HLA-DQA1: variants seen among roughly 807,000 people sequenced by gnomAD.
HLA-DQA1 encodes the protein major histocompatibility complex, class II, DQ alpha 1.
Under a neutral mutation model 20.7 loss-of-function variants are expected in HLA-DQA1, and 10 were observed. The ratio of observed to expected loss-of-function variants is 0.48; its 90% CI spans 0.30 to 0.82. The LOEUF (loss-of-function observed/expected upper bound fraction) is 0.82. HLA-DQA1 is among the 40% of genes least tolerant of loss of function. HLA-DQA1 has a pLI of 0.07. For missense variants in HLA-DQA1, 127 were observed against 293.0 expected, an observed-to-expected ratio of 0.43 and a Z score of 4.14; for synonymous variants, 39 against 109.2, an observed-to-expected ratio of 0.36 and a Z score of 4.01.
chr6:32,652,599 C>T, the HLA-DQA1 span, among the ~76,000 whole-genome samples: 3 of 150,828 alleles, frequency 2.0e-5, no homozygotes, highest in African/African-American at 4.9e-5. Flanking sequence ...AATTAAGCTA[C>T]GAGCAAAGCC....
intron 1 of HLA-DQA1, among the ~76,000 whole-genome samples, chr6:32,638,667 G>A (rs4530904): frequency 0.73 from 62,804 of 85,914 alleles, 27,488 homozygotes; most frequent in South Asian, 0.88. Context: ...ACAGAGAGAG[G>A]CGCTGTCTCA....
downstream of HLA-DQA1, among the ~76,000 whole-genome samples, chr6:32,651,970 C>A (rs1417915934): frequency 1.2e-4 from 12 of 96,356 alleles, 4 homozygotes; most frequent in African/African-American, 4.3e-4. Flanking sequence ...CCTTGAAGTT[C>A]TAATGGAAAA....
Position 32,641,582 on chromosome 6 carries a change from T to C in HLA-DQA1, c.331+24T>C. The C allele has an allele frequency of 2.0e-6, 2 of 977,260 alleles. 1 individual carries two copies. 60.5% of individuals were successfully genotyped at this position (977,260 alleles called of 1,614,324 possible). A position where few individuals can be genotyped will look rare whatever the true frequency, so the allele number is the denominator to read the frequency against. The stretch of plus-strand genomic sequence containing the variant: ...TGGTATGCGTCCACCATTCTGCCTC[T>C]CTTTACTTAAGTTATCCCTCCATAC... On this transcript the variant is annotated intron_variant, in intron 2 of 4. Coordinates refer to ENST00000343139, the MANE Select transcript of HLA-DQA1 (RefSeq NM_002122.5).
the HLA-DQA1 span, among the ~76,000 whole-genome samples, chr6:32,654,430 CT>C: frequency 7.9e-6 from 1 of 126,030 alleles, no homozygotes; most frequent in Non-Finnish European, 1.7e-5. Context: ...TTCCAGGATC[CT>C]CTCTGTATAC....
In HLA-DQA1 at chr6:32,638,273, T is replaced by C. The variant is rs1437056002; in HGVS notation, c.82+733T>C. On this transcript the variant is annotated intron_variant, in intron 1 of 4. Coordinates refer to ENST00000343139, the MANE Select transcript of HLA-DQA1 (RefSeq NM_002122.5). ...TCTTTAGCAAAATAAGGGATCATTT[T>C]ATTTTAAAATTGAGAAGTAGAAAAA... 1.7e-5 allele frequency among the ~76,000 whole-genome samples: 2 copies of C among 118,128 alleles called. 1 individual carries two copies. The highest frequency in any genetic ancestry group is 3.7e-5 in the Non-Finnish European group (2 of 54,160). The allele number at this position is 118,128 out of a possible 152,430, so 77.5% of individuals were successfully genotyped here. A position where few individuals can be genotyped will look rare whatever the true frequency, so the allele number is the denominator to read the frequency against.
intron 1 of HLA-DQA1, chr6:32,639,503 C>T (rs1781200225): frequency 1.0e-5 from 1 of 96,694 alleles, no homozygotes; most frequent in African/African-American, 3.6e-5. Context: ...ATGTGGTCCT[C>T]GAATATAGCA....
At chr6:32,644,038 C>CCCATA (rs1554154696), downstream of HLA-DQA1, 1 of 100,832 alleles carries the variant, frequency 9.9e-6, no homozygotes, top group Admixed American at 9.7e-5. Context: ...TGGAAACATG[C>CCCATA]CAATATCTTC....
downstream of HLA-DQA1, chr6:32,643,759 G>T (rs1781681106): frequency 7.4e-6 from 1 of 134,594 alleles, no homozygotes; most frequent in Non-Finnish European, 1.6e-5. Flanking sequence ...AATTCTTTAG[G>T]CAGGAAAAGA....
chr6:32,646,296 C>G (rs1781906664), downstream of HLA-DQA1: 1 of 149,018 alleles, frequency 6.7e-6, no homozygotes, highest in Non-Finnish European at 1.5e-5. Flanking sequence ...GTCACAGAGG[C>G]TCGTGCTTGT....
Position 32,642,188 on chromosome 6 carries a change from C to A in HLA-DQA1, c.548C>A (p.Ala183Asp), listed in dbSNP as rs7990. The A allele has an allele frequency of 0.046, 61,328 of 1,321,916 alleles. 5,811 individuals carry two copies. The highest frequency in any genetic ancestry group is 0.14 in the East Asian group (4,815 of 33,912). 81.9% of individuals were successfully genotyped at this position (1,321,916 alleles called of 1,614,324 possible). The part of the protein sequence containing the change: ...KISYLTFLPS[A>D]DEIYDCKVEH... ...AGTTACCTCACCTTCCTCCCTTCTG[C>A]TGATGAGATTTATGACTGCAAGGTG... The change falls in exon 3 of 5, where the codon GCT (alanine) becomes GAT (aspartate). Residue 183 changes from alanine to aspartate, a missense_variant. Ala to Asp is a moderately radical substitution (Grantham distance 126, BLOSUM62 -2). Transcript: ENST00000343139.
At chr6:32,644,235 G>A (rs1781724581), downstream of HLA-DQA1, 1 of 152,038 alleles carries the variant, frequency 6.6e-6, no homozygotes, top group African/African-American at 2.4e-5. Context: ...GCGACCTCAT[G>A]GCTCTAAACA....
At chr6:32,648,871 A>G (rs1244769286), downstream of HLA-DQA1, among the ~76,000 whole-genome samples, 5 of 97,464 alleles carry the variant, frequency 5.1e-5, 2 homozygotes, top group African/African-American at 1.8e-4. Context: ...ATGATTGTAT[A>G]TTTAGAAAAG....
downstream of HLA-DQA1, among the ~76,000 whole-genome samples, chr6:32,651,739 A>G (rs1782198206): frequency 1.1e-5 from 1 of 94,834 alleles, no homozygotes; most frequent in Non-Finnish European, 2.3e-5. Context: ...ATAATAAGGG[A>G]AAAATTTCCA....
chr6:32,638,023 A>G (rs9272480), intron 1 of HLA-DQA1, among the ~76,000 whole-genome samples: 3,855 of 108,720 alleles, frequency 0.035, 178 homozygotes, highest in Middle Eastern at 0.11. Context: ...ACATTTCCAC[A>G]TGGGAACTGG....
At chr6:32,655,040 A>C in the HLA-DQA1 span, among the ~76,000 whole-genome samples, 2 of 101,416 alleles carry the variant, frequency 2.0e-5, 1 homozygote. Flanking sequence ...CCCAAAAAAA[A>C]AAAAAAAAAA....
the HLA-DQA1 span, among the ~76,000 whole-genome samples, chr6:32,652,913 G>T: frequency 0.45 from 65,794 of 146,744 alleles, 16,015 homozygotes; most frequent in Middle Eastern, 0.56. Context: ...AAAGTCTTCA[G>T]CCTAACCCCC....
At chr6:32,642,866 G>T (rs36027005) in intron 4 of HLA-DQA1, 82 bp downstream of exon 4, 114,538 of 894,720 alleles carry the variant, frequency 0.13, 30,002 homozygotes, top group South Asian at 0.3. Context: ...GAATGTGGTT[G>T]AAAGTTGTAG....
the HLA-DQA1 span, among the ~76,000 whole-genome samples, chr6:32,654,518 T>C: frequency 0.039 from 3,886 of 98,734 alleles, 799 homozygotes; most frequent in East Asian, 0.15. Flanking sequence ...TCCTCCCATA[T>C]ACTTTAAGCC....
At chr6:32,651,588 C>CAAAAAAAAAAAAAAAAAAAAAAA (rs70996710), downstream of HLA-DQA1, among the ~76,000 whole-genome samples, 7 of 15,280 alleles carry the variant, frequency 4.6e-4, no homozygotes, top group Admixed American at 1.4e-3. Context: ...CGTCTCAAAG[C>CAAAAAAAAAAAAAAAAAAAAAAA]AAAAAAAAAA....
Sources: gnomAD v4.1 joint callset for allele counts (sites outside exome capture counted in the v4.1 genomes callset) on GRCh38, gnomAD v4.1.1 for gene constraint, MANE v1.5 for transcripts, NCBI Gene and HGNC (gene_info 2026-07-23, HGNC 2026-07-21) for gene names.